The following DMD variants were observed in gnomAD, a reference collection of about 807,000 sequenced individuals.
The protein encoded by DMD is dystrophin.
DMD carries 63 observed loss-of-function variants against 330.1 expected under a neutral mutation model. The observed-to-expected ratio is 0.19, with a 90% CI of 0.16 to 0.24. DMD has a LOEUF of 0.24. Ranked by LOEUF, DMD falls within the 10% of genes least tolerant of loss-of-function variation. The pLI is 1.00. For synonymous variants in DMD, 1,223 were observed against 959.8 expected (o/e 1.27, Z -5.07); for missense variants, 3,344 against 2,684.1 (o/e 1.25, Z -5.43).
At chrX:32,590,668 ACTCCAGGTT>A (rs1385011990) in intron 13 of DMD, among the ~76,000 whole-genome samples, 5 of 110,960 alleles carry the variant, frequency 4.5e-5, no homozygotes, top group African/African-American at 1.6e-4. Context: ...AGACTCCAGG[ACTCCAGGTT>A]CTCCAGTCTT....
chrX:33,231,828 G>A (rs2094337098), intron 1 of DMD, among the ~76,000 whole-genome samples: 2 of 111,528 alleles, frequency 1.8e-5, no homozygotes, highest in African/African-American at 6.5e-5. Context: ...AAAGAGAGTG[G>A]AGGTCAATGT....
At chrX:32,734,156 A>C (rs1410216446) in intron 7 of DMD, among the ~76,000 whole-genome samples, 198 of 109,404 alleles carry the variant, frequency 1.8e-3, no homozygotes, top group Non-Finnish European at 2.7e-3. Context: ...ATAAACTAGA[A>C]AATCTAGAAG....
chrX:32,294,642 AG>A (rs1239427876), intron 42 of DMD, among the ~76,000 whole-genome samples: 1 of 111,561 alleles, frequency 9.0e-6, no homozygotes, highest in Non-Finnish European at 1.9e-5. Context: ...AAACTGGGGC[AG>A]GGGATGTCAC....
chrX:32,338,631 A>T (rs1326823737), intron 41 of DMD, among the ~76,000 whole-genome samples: 2 of 111,423 alleles, frequency 1.8e-5, no homozygotes, highest in African/African-American at 6.5e-5. Flanking sequence ...ATCTGATAAC[A>T]TTGCTTATAA....
chrX:32,283,594 T>A (rs1165936879), intron 43 of DMD, among the ~76,000 whole-genome samples: 1 of 111,633 alleles, frequency 9.0e-6, no homozygotes, highest in Non-Finnish European at 1.9e-5. Flanking sequence ...AAGAACAAAT[T>A]CAGCTATTTA....
intron 44 of DMD, among the ~76,000 whole-genome samples, chrX:32,170,377 C>A (rs973624217): frequency 9.2e-6 from 1 of 109,108 alleles, no homozygotes; most frequent in Non-Finnish European, 1.9e-5. Flanking sequence ...GAGGCTGAGG[C>A]AGGAGAATCG....
At chrX:31,317,509 A>ATT (rs775949235) in intron 62 of DMD, among the ~76,000 whole-genome samples, 209 of 84,898 alleles carry the variant, frequency 2.5e-3, no homozygotes, top group African/African-American at 9.7e-3. Flanking sequence ...AAATGAGGAA[A>ATT]TTTTTTTTTT....
chrX:32,072,973 T>G (rs2096312444), intron 44 of DMD, among the ~76,000 whole-genome samples: 1 of 112,237 alleles, frequency 8.9e-6, no homozygotes, highest in African/African-American at 3.2e-5. Flanking sequence ...GATTCAAAAT[T>G]AGCCCATTAT....
intron 1 of DMD, among the ~76,000 whole-genome samples, chrX:33,252,771 T>G (rs2052792549): frequency 8.9e-6 from 1 of 111,763 alleles, no homozygotes; most frequent in Non-Finnish European, 1.9e-5. Context: ...TACACACACA[T>G]TTAGAAGATC....
At chrX:33,279,468 A>G (rs896481699) in intron 1 of DMD, among the ~76,000 whole-genome samples, 1 of 109,742 alleles carries the variant, frequency 9.1e-6, no homozygotes, top group Non-Finnish European at 1.9e-5. Flanking sequence ...TTTTTAAGCA[A>G]TTACATATCA....
chrX:33,085,968 T>G lies in DMD; in HGVS notation c.32-65768A>C, dbSNP rs950995005. The G allele has an allele frequency of 4.5e-4, 50 of 112,225 alleles. 1 individual carries two copies. Among genetic ancestry groups the G allele is most frequent in the African/African-American group, 1.6e-3 (49 of 30,948 alleles). The allele number at this position is 112,225 out of a possible 1,213,427, so 9.2% of individuals were successfully genotyped here. On this transcript the variant is annotated intron_variant, in intron 1 of 78. Transcript: ENST00000357033. ...AAAAACAAAAAAAGAAAAAAAGTTA[T>G]TAGTACAAAGAGAAAAATGTCAGAT...
chrX:31,349,767 A>T (rs2058289858), intron 60 of DMD, among the ~76,000 whole-genome samples: 1 of 111,896 alleles, frequency 8.9e-6, no homozygotes, highest in Non-Finnish European at 1.9e-5. Flanking sequence ...CTAACTCTGG[A>T]TTTTGATTTA....
At chrX:33,002,850 G>GAAAA (rs145168802) in intron 2 of DMD, among the ~76,000 whole-genome samples, 44 of 38,713 alleles carry the variant, frequency 1.1e-3, no homozygotes, top group Non-Finnish European at 1.5e-3. Flanking sequence ...TTTTTTTCTC[G>GAAAA]AAAAAAAAAA....
chrX:32,411,163 C>T (rs895686613), intron 30 of DMD, among the ~76,000 whole-genome samples: 3 of 111,623 alleles, frequency 2.7e-5, no homozygotes, highest in African/African-American at 6.5e-5. Context: ...GATAGAGTCT[C>T]GCTCTGTTCC....
chrX:32,520,007 C>T (rs903930945), intron 17 of DMD, among the ~76,000 whole-genome samples: 1 of 111,739 alleles, frequency 8.9e-6, no homozygotes, highest in African/African-American at 3.3e-5. Flanking sequence ...CGGTTCATAG[C>T]ATACAGATTG....
chrX:31,610,747 T>C (rs2077867290), intron 55 of DMD, among the ~76,000 whole-genome samples: 1 of 111,926 alleles, frequency 8.9e-6, no homozygotes, highest in Non-Finnish European at 1.9e-5. Flanking sequence ...ATTCTGATAT[T>C]GTAATTTGGT....
chrX:32,572,489 G>A (rs1569227068), intron 15 of DMD, among the ~76,000 whole-genome samples: 1 of 108,822 alleles, frequency 9.2e-6, no homozygotes, highest in Non-Finnish European at 1.9e-5. Flanking sequence ...TAAACTCATA[G>A]TATCAGACCG....
chrX:32,529,496 C>G (rs2047282987), intron 17 of DMD, among the ~76,000 whole-genome samples: 1 of 92,156 alleles, frequency 1.1e-5, no homozygotes, highest in African/African-American at 4.1e-5. Flanking sequence ...TGGGGACAAG[C>G]AATTCTCGTG....
At chrX:32,694,656 T>C (rs1171286923) in intron 9 of DMD, among the ~76,000 whole-genome samples, 1 of 112,015 alleles carries the variant, frequency 8.9e-6, no homozygotes, top group Non-Finnish European at 1.9e-5. Flanking sequence ...CATTTATTTT[T>C]TTTATTTATG....
Sources: gnomAD v4.1 joint callset for allele counts (sites outside exome capture counted in the v4.1 genomes callset) on GRCh38, gnomAD v4.1.1 for gene constraint, MANE v1.5 for transcripts, NCBI Gene and HGNC (gene_info 2026-07-23, HGNC 2026-07-21) for gene names.